The following CSMD1 variants were observed in gnomAD, a reference collection of about 807,000 sequenced individuals.
CSMD1 encodes CUB and Sushi multiple domains 1.
In CSMD1, 213 loss-of-function variants were observed where a neutral mutation model predicts 417.5. The observed-to-expected ratio is 0.51, with a 90% confidence interval of 0.46 to 0.57. The LOEUF is 0.57. Among genes scored for constraint, CSMD1 ranks in the 20% least tolerant of loss-of-function variants. The pLI is 0.00. For synonymous variants in CSMD1, 2,862 were observed against 1,736.8 expected, an observed-to-expected ratio of 1.65 and a Z score of -16.11; for missense variants, 6,923 against 4,529.7, an observed-to-expected ratio of 1.53 and a Z score of -15.17.
chr8:4,582,387 G>C (rs757073065), intron 2 of CSMD1, among the ~76,000 whole-genome samples: 5 of 152,178 alleles, frequency 3.3e-5, no homozygotes, highest in Admixed American at 6.5e-5. Context: ...GAGGACAAAG[G>C]AGAGATTATC....
intron 7 of CSMD1, among the ~76,000 whole-genome samples, chr8:3,655,301 C>G (rs991974719): frequency 1.3e-5 from 2 of 152,110 alleles, no homozygotes; most frequent in South Asian, 4.1e-4. Context: ...TGTGCATGAT[C>G]CTTCAATTTC....
intron 11 of CSMD1, among the ~76,000 whole-genome samples, chr8:3,483,541 T>C (rs1817859367): frequency 2.6e-5 from 4 of 152,116 alleles, no homozygotes; most frequent in Admixed American, 2.6e-4. Context: ...AAAATTCTAC[T>C]AATTTATAAG....
chr8:4,841,836 G>T (rs1049266037), intron 1 of CSMD1, among the ~76,000 whole-genome samples: 1 of 150,350 alleles, frequency 6.7e-6, no homozygotes, highest in Non-Finnish European at 1.5e-5. Flanking sequence ...GCTTGAACCT[G>T]GGAGGTGGAG....
chr8:3,200,645 G>A (rs1238001114), intron 32 of CSMD1, among the ~76,000 whole-genome samples: 1 of 151,928 alleles, frequency 6.6e-6, no homozygotes, highest in Non-Finnish European at 1.5e-5. Context: ...GTGTCAAGCA[G>A]TGGTGGGAGG....
At position 4,555,860 on chromosome 8, in the gene CSMD1, A is replaced by G. The variant is rs200608801; in HGVS notation, c.302+81482T>C. Among the ~76,000 whole-genome samples the G allele has an allele frequency of 7.2e-5, 11 of 152,298 alleles. No individual in the cohort carries two copies. The East Asian group carries it at 2.1e-3, about 29-fold the overall frequency. On this transcript the variant is annotated intron_variant, in intron 2 of 69. Transcript: ENST00000635120. The stretch of plus-strand genomic sequence containing the variant: ...TTATAAAATACGAAAATTATATCTA[A>G]AAGACTGAAAAGACTTTCTTTAAAA...
chr8:3,924,768 C>G (rs978814791), intron 5 of CSMD1, among the ~76,000 whole-genome samples: 3 of 141,698 alleles, frequency 2.1e-5, no homozygotes, highest in East Asian at 2.4e-4. Context: ...TCTTGTTTTT[C>G]TGGTACTCTT....
In CSMD1 at chr8:3,708,443, C is replaced by T; in HGVS notation, c.980G>A (p.Ser327Asn). Residue 327 changes from serine (S) to asparagine (N), a missense_variant, in exon 7 of 70, where the codon AGC becomes AAC. Ser to Asn is a conservative substitution (Grantham distance 46, BLOSUM62 1). Coordinates refer to ENST00000635120, the MANE Select transcript of CSMD1 (RefSeq NM_033225.6). ...LKSRGVKMLP[S>N]KDGSHKNSVL... ...AGAGTTTTTATGGCTTCCATCCTTG[C>T]TGGGCAGCATCTTGACTCCTCTTGA... is the stretch of plus-strand genomic sequence containing the variant. The T allele has an allele frequency of 6.2e-7, 1 of 1,613,944 alleles. No individual in the cohort carries two copies. Among genetic ancestry groups the T allele is most frequent in the East Asian group, 2.2e-5 (1 of 44,876 alleles).
At chr8:4,793,469 C>G (rs1269236035) in intron 1 of CSMD1, among the ~76,000 whole-genome samples, 1 of 152,110 alleles carries the variant, frequency 6.6e-6, no homozygotes, top group African/African-American at 2.4e-5. Context: ...TCCCCTCTCT[C>G]CTCCCCACCA....
intron 69 of CSMD1, among the ~76,000 whole-genome samples, chr8:2,942,051 CA>C (rs1801909457): frequency 6.6e-6 from 1 of 152,138 alleles, no homozygotes; most frequent in African/African-American, 2.4e-5. Flanking sequence ...GAAAGGACAA[CA>C]AAAAATCTTG....
intron 47 of CSMD1, among the ~76,000 whole-genome samples, chr8:3,093,912 G>A (rs1285190228): frequency 6.6e-6 from 1 of 152,022 alleles, no homozygotes; most frequent in African/African-American, 2.4e-5. Context: ...AAGAGTGGCT[G>A]GTATTTCATA....
At position 3,567,885 on chromosome 8, in the gene CSMD1, C is replaced by G. The variant is rs73658195; in HGVS notation, c.1344+7060G>C. Among the ~76,000 whole-genome samples the G allele has an allele frequency of 7.6e-3, 1,159 of 152,248 alleles. 13 individuals carry two copies. Among genetic ancestry groups the G allele is most frequent in the African/African-American group, 0.027 (1,109 of 41,530 alleles). On this transcript the variant is annotated intron_variant, in intron 10 of 69. Transcript: ENST00000635120. ...AGTTGGACTCCTTATCCTCATCACT[C>G]TCCTTCTTCCTTCCACACATCATCA...
At chr8:3,245,157 T>A (rs1211565274) in intron 26 of CSMD1, among the ~76,000 whole-genome samples, 1 of 152,220 alleles carries the variant, frequency 6.6e-6, no homozygotes, top group East Asian at 1.9e-4. Context: ...TTTACTATTT[T>A]GCCCTCTCTG....
intron 10 of CSMD1, among the ~76,000 whole-genome samples, chr8:3,506,346 C>T (rs775353538): frequency 7.2e-5 from 11 of 152,132 alleles, no homozygotes; most frequent in African/African-American, 1.4e-4. Flanking sequence ...GGAGGCTTGC[C>T]GGAGTTTGCA....
chr8:3,721,095 T>TTACA (rs1802141804), intron 6 of CSMD1, among the ~76,000 whole-genome samples: 1 of 152,138 alleles, frequency 6.6e-6, no homozygotes, highest in Non-Finnish European at 1.5e-5. Context: ...AGTGCTGGGA[T>TTACA]TACAGGTGTG....
In CSMD1 at chr8:4,791,118, C is replaced by T. The variant is rs564130530; in HGVS notation, c.86-153560G>A. ...GGTGAGAAGAGACGGGGAGAAGAGA[C>T]GGGGAGGGAGAAACTTTTAAGTGAG... On this transcript the variant is annotated intron_variant, in intron 1 of 69. Transcript: ENST00000635120. 4.1e-4 allele frequency among the ~76,000 whole-genome samples: 63 copies of T among 151,872 alleles called. 1 individual carries two copies. Among genetic ancestry groups the T allele is most frequent in the Admixed American group, 2.2e-3 (33 of 15,264 alleles).
Position 3,939,839 on chromosome 8 carries a change from A to G in CSMD1, c.818+58064T>C, listed in dbSNP as rs191509293. Among the ~76,000 whole-genome samples the G allele has an allele frequency of 2.2e-4, 34 of 152,246 alleles. No individual in the cohort carries two copies. The East Asian group carries it at 5.6e-3, about 25-fold the overall frequency. On this transcript the variant is annotated intron_variant, in intron 5 of 69. Coordinates refer to ENST00000635120, the MANE Select transcript of CSMD1 (RefSeq NM_033225.6). Reference sequence around the variant, plus strand: ...GAGGATGCGAAGGCATAATAATAATATAATGGACATTGGGTATTGGGAGAA... The same window carrying G: ...GAGGATGCGAAGGCATAATAATAATGTAATGGACATTGGGTATTGGGAGAA...
intron 1 of CSMD1, among the ~76,000 whole-genome samples, chr8:4,799,479 G>T (rs779620820): frequency 6.6e-6 from 1 of 151,488 alleles, no homozygotes; most frequent in Non-Finnish European, 1.5e-5. Flanking sequence ...TGTGCCTGTA[G>T]CCCCAGCTAC....
At position 4,319,083 on chromosome 8, in the gene CSMD1, C is replaced by T. The variant is rs578155803; in HGVS notation, c.415+100870G>A. Among the ~76,000 whole-genome samples, 5 of 152,286 alleles carry T rather than the reference C, an allele frequency of 3.3e-5. No individual in the cohort carries two copies. In the South Asian group the frequency reaches 1.0e-3, roughly 32 times the overall value. On this transcript the variant is annotated intron_variant, in intron 3 of 69. Transcript: ENST00000635120. ...CATCTTTTACTTCATTAGTAGTCCT[C>T]ACATATACATGCACATAGTAACAAA...
intron 1 of CSMD1, among the ~76,000 whole-genome samples, chr8:4,877,642 G>T (rs1416595699): frequency 6.6e-6 from 1 of 151,872 alleles, no homozygotes; most frequent in Admixed American, 6.6e-5. Flanking sequence ...TCCAAGTCCT[G>T]CCAAATATAG....
Sources: allele counts gnomAD v4.1 joint callset (sites outside exome capture counted in the v4.1 genomes callset), GRCh38; gene constraint gnomAD v4.1.1; transcripts MANE v1.5; gene names NCBI Gene and HGNC (gene_info 2026-07-23, HGNC 2026-07-21).